TPRX1: variants seen among roughly 807,000 people sequenced by gnomAD.
The protein encoded by TPRX1 is tetrapeptide repeat homeobox 1.
TPRX1 carries 2 observed loss-of-function variants against 8.1 expected under a neutral mutation model. The observed-to-expected ratio is 0.25, with a 90% CI of 0.10 to 0.78. The LOEUF (loss-of-function observed/expected upper bound fraction) is 0.78. TPRX1 is among the 30% of genes least tolerant of loss of function. The pLI is 0.70. For synonymous variants in TPRX1, 257 were observed against 254.1 expected (o/e 1.01, Z -0.11); for missense variants, 517 against 586.9 (o/e 0.88, Z 1.23).
chr19:47,802,104 C>T (rs776595349), exon 4 of TPRX1: 15 of 1,588,154 alleles, frequency 9.4e-6, no homozygotes, highest in Non-Finnish European at 1.1e-5. Context: ...AAAATCGGGG[C>T]TAGGCCTGGA....
chr19:47,818,133 G>A (rs1256603032), intron 2 of TPRX1, among the ~76,000 whole-genome samples: 3 of 152,116 alleles, frequency 2.0e-5, no homozygotes, highest in African/African-American at 7.2e-5. Flanking sequence ...GTCCTTTTGG[G>A]AAAACATCAC....
Position 47,805,560 on chromosome 19 carries a change from C to G in TPRX1, c.152-1887G>C, listed in dbSNP as rs1967728517. On this transcript the variant is annotated intron_variant, in intron 2 of 3. Coordinates refer to ENST00000535759, the Ensembl canonical transcript of TPRX1. ...TTGACAAGGCTCATGGTGCAGGGAACTAGAAATGACTCATGCAATCAATTT... is the reference window on the plus strand; with the variant it reads ...TTGACAAGGCTCATGGTGCAGGGAAGTAGAAATGACTCATGCAATCAATTT... Among the ~76,000 whole-genome samples the G allele has an allele frequency of 2.0e-5, 3 of 152,274 alleles. No homozygotes were observed. The South Asian group carries it at 6.2e-4, about 32-fold the overall frequency.
intron 2 of TPRX1, among the ~76,000 whole-genome samples, chr19:47,815,127 T>TGCAAATATATATATATATGAAA (rs200783256): frequency 9.5e-6 from 1 of 105,080 alleles, no homozygotes; most frequent in African/African-American, 3.6e-5. Flanking sequence ...TATATATATA[T>TGCAAATATATATATATATGAAA]ATATATATAT....
chr19:47,818,621 G>T, intron 1 of TPRX1: 1 of 453,322 alleles, frequency 2.2e-6, no homozygotes, highest in Non-Finnish European at 4.4e-6. Context: ...GGAGCTAAGG[G>T]GGTGCAGGTA....
chr19:47,811,792 C>T (rs1449725531), intron 2 of TPRX1, among the ~76,000 whole-genome samples: 1 of 151,790 alleles, frequency 6.6e-6, no homozygotes, highest in African/African-American at 2.4e-5. Context: ...CCACCGCGCC[C>T]GGCTAATGGC....
chr19:47,810,511 G>A (rs144141939), intron 2 of TPRX1, among the ~76,000 whole-genome samples: 3,943 of 150,932 alleles, frequency 0.026, 57 homozygotes, highest in Middle Eastern at 0.086. Context: ...ACCACGCCCG[G>A]CTAATTTTTG....
chr19:47,803,342 A>G (rs1300420631), intron 3 of TPRX1, among the ~76,000 whole-genome samples, 162 bp downstream of exon 2: 4 of 151,528 alleles, frequency 2.6e-5, no homozygotes. Flanking sequence ...GGGCTAGCAT[A>G]GAGTTGGAAC....
exon 4 of TPRX1, chr19:47,802,456 G>T: frequency 6.6e-7 from 1 of 1,521,562 alleles, no homozygotes; most frequent in Non-Finnish European, 8.9e-7. Context: ...CTGGGATCGG[G>T]CCTGGGTTTG....
At chr19:47,815,207 T>C (rs1439837215) in intron 2 of TPRX1, among the ~76,000 whole-genome samples, 1 of 134,830 alleles carries the variant, frequency 7.4e-6, no homozygotes, top group African/African-American at 2.8e-5. Flanking sequence ...TAGGCTGGAG[T>C]GCAGTGGTGT....
At chr19:47,816,339 A>G (rs751540792) in intron 2 of TPRX1, among the ~76,000 whole-genome samples, 1 of 151,992 alleles carries the variant, frequency 6.6e-6, no homozygotes, top group Non-Finnish European at 1.5e-5. Context: ...AAGTGCTGGG[A>G]TTACAGGTGT....
intron 2 of TPRX1, among the ~76,000 whole-genome samples, chr19:47,817,392 G>A (rs901727816): frequency 6.6e-6 from 1 of 151,958 alleles, no homozygotes; most frequent in Non-Finnish European, 1.5e-5. Context: ...CCACGTCAGC[G>A]GCAGAGCCAG....
chr19:47,811,496 CTTTTTT>C (rs34677329), intron 2 of TPRX1, among the ~76,000 whole-genome samples: 2 of 118,518 alleles, frequency 1.7e-5, no homozygotes, highest in African/African-American at 6.4e-5. Context: ...TTCATGGCAA[CTTTTTT>C]TTTTTTTTTT....
intron 2 of TPRX1, among the ~76,000 whole-genome samples, chr19:47,815,442 C>CACGCCCAGCCCACTGTGAGCTTTTCTTTT (rs1568617521): frequency 2.0e-5 from 3 of 148,668 alleles, no homozygotes; most frequent in African/African-American, 7.4e-5. Context: ...CATGAGCCAC[C>CACGCCCAGCCCACTGTGAGCTTTTCTTTT]GCACCTGGCT....
intron 2 of TPRX1, among the ~76,000 whole-genome samples, chr19:47,812,395 G>A (rs1036187173): frequency 5.9e-5 from 9 of 151,346 alleles, no homozygotes; most frequent in Non-Finnish European, 1.0e-4. Flanking sequence ...CCAGGAGTTC[G>A]AGACCAGCCT....
intron 2 of TPRX1, among the ~76,000 whole-genome samples, chr19:47,812,278 G>C (rs561003621): frequency 6.6e-6 from 1 of 152,112 alleles, no homozygotes; most frequent in Non-Finnish European, 1.5e-5. Context: ...TTGTTCAAGT[G>C]GGGGAAGGCA....
chr19:47,808,271 T>C (rs1000241886), intron 2 of TPRX1, among the ~76,000 whole-genome samples: 9 of 152,022 alleles, frequency 5.9e-5, no homozygotes, highest in African/African-American at 2.2e-4. Flanking sequence ...CCCACCATGA[T>C]GTCTGGCTAA....
At chr19:47,810,343 A>AGT (rs1439675006) in intron 2 of TPRX1, among the ~76,000 whole-genome samples, 1 of 130,654 alleles carries the variant, frequency 7.7e-6, no homozygotes, top group African/African-American at 2.7e-5. Context: ...CTTATCCATC[A>AGT]ATTTTTTTTT....
intron 2 of TPRX1, among the ~76,000 whole-genome samples, chr19:47,804,944 C>G (rs1967721568): frequency 6.6e-6 from 1 of 152,210 alleles, no homozygotes; most frequent in Non-Finnish European, 1.5e-5. Flanking sequence ...CCCCGAGTGA[C>G]CAATGCCGGT....
intron 2 of TPRX1, among the ~76,000 whole-genome samples, chr19:47,815,983 T>C (rs1332057236): frequency 6.6e-6 from 1 of 152,100 alleles, no homozygotes; most frequent in Non-Finnish European, 1.5e-5. Context: ...CTCTGGGTCA[T>C]GTGTAGCGGG....
Sources: gnomAD v4.1 joint callset for allele counts (sites outside exome capture counted in the v4.1 genomes callset) on GRCh38, gnomAD v4.1.1 for gene constraint, MANE v1.5 for transcripts, NCBI Gene and HGNC (gene_info 2026-07-23, HGNC 2026-07-21) for gene names.